Variants in IL13RA1 observed in about 807,000 individuals in gnomAD.
IL13RA1 encodes interleukin 13 receptor subunit alpha 1, also known as interleukin-13 receptor subunit alpha-1.
IL13RA1 carries 14 observed loss-of-function variants against 33.8 expected under a neutral mutation model. That is an observed-to-expected ratio of 0.41 (90% CI 0.27 to 0.65). IL13RA1 has a LOEUF of 0.65. IL13RA1 is among the 30% of genes least tolerant of loss of function. IL13RA1 has a pLI of 0.28. For missense variants in IL13RA1, 313 were observed against 327.0 expected (o/e 0.96, Z 0.33); for synonymous variants, 116 against 115.7 (o/e 1.00, Z -0.02).
chrX:118,747,078 T>C lies in IL13RA1; in HGVS notation c.353T>C (p.Ile118Thr). Residue 118 changes from isoleucine (I) to threonine (T), a missense_variant, in exon 3 of 11, where the codon ATC (isoleucine) becomes ACC (threonine). By Grantham distance (89) the Ile-to-Thr change is moderately conservative. Coordinates refer to ENST00000371666, the MANE Select transcript of IL13RA1 (RefSeq NM_001560.3). ...CCTAGCATTTTGGTTGAAAAATGCA[T>C]CTCACCCCCAGAAGGTAACAACTGA... ...EKPSILVEKC[I>T]SPPEGDPESA... 8.6e-7 allele frequency: 1 copy of C among 1,164,115 alleles called. No individual in the cohort carries two copies. The highest frequency in any genetic ancestry group is 3.0e-5 in the East Asian group (1 of 33,546).
At chrX:118,803,911 TTCCTTCCTTC>T in the IL13RA1 span, among the ~76,000 whole-genome samples, 20 of 100,206 alleles carry the variant, frequency 2.0e-4, no homozygotes, top group South Asian at 9.8e-4. Context: ...CCTTCCTTCC[TTCCTTCCTTC>T]CTCTCTCTCT....
Position 118,776,527 on chromosome X carries a change from A to G in IL13RA1, c.1191+16A>G. 1 of 401,391 alleles carries G rather than the reference A, an allele frequency of 2.5e-6. No individual in the cohort carries two copies. Among genetic ancestry groups the G allele is most frequent in the East Asian group, 4.9e-5 (1 of 20,465 alleles). The allele number at this position is 401,391 out of a possible 1,213,427, so 33.1% of individuals were successfully genotyped here. A position where few individuals can be genotyped will look rare whatever the true frequency, so the allele number is the denominator to read the frequency against. On this transcript the variant is annotated intron_variant, in intron 10 of 10. Coordinates refer to ENST00000371666, the MANE Select transcript of IL13RA1 (RefSeq NM_001560.3). The stretch of plus-strand genomic sequence containing the variant: ...TGATACTCTGGTAAGAACAGATTTC[A>G]TGGGGCTTGAAATGTTTTTTTTTTT...
chrX:118,796,614 C>A (rs373798727), downstream of IL13RA1, among the ~76,000 whole-genome samples: 4 of 111,433 alleles, frequency 3.6e-5, no homozygotes, highest in African/African-American at 1.3e-4. Flanking sequence ...CTCAGTTCAC[C>A]ACAACCTCTG....
chrX:118,732,909 C>CT (rs1329799165), intron 1 of IL13RA1, among the ~76,000 whole-genome samples: 2 of 111,716 alleles, frequency 1.8e-5, no homozygotes, highest in Admixed American at 9.5e-5. Flanking sequence ...TACTATTTGT[C>CT]TTTTTTGTGA....
chrX:118,773,018 T>C (rs34349322), intron 8 of IL13RA1, among the ~76,000 whole-genome samples: 2 of 112,532 alleles, frequency 1.8e-5, no homozygotes, highest in South Asian at 3.6e-4. Context: ...TTTTGTATGG[T>C]GATTTTAGGC....
At chrX:118,728,363 C>A (rs985241073) in intron 1 of IL13RA1, among the ~76,000 whole-genome samples, 1 of 112,396 alleles carries the variant, frequency 8.9e-6, no homozygotes, top group Non-Finnish European at 1.9e-5. Flanking sequence ...AGCATCCCGG[C>A]AGATGCTCCC....
chrX:118,748,360 C>G (rs1245628671), intron 3 of IL13RA1, among the ~76,000 whole-genome samples: 3 of 52,217 alleles, frequency 5.7e-5, no homozygotes, highest in Non-Finnish European at 9.6e-5. Flanking sequence ...TAGGAGTTAA[C>G]GAAAAAAAAA....
chrX:118,799,223 A>G (rs766273667), downstream of IL13RA1, among the ~76,000 whole-genome samples: 20 of 113,114 alleles, frequency 1.8e-4, no homozygotes, highest in South Asian at 7.1e-3. Context: ...GCAGCCCTCC[A>G]TGCCTGAGCC....
At chrX:118,773,505 CAAACA>C (rs992032715) in intron 8 of IL13RA1, among the ~76,000 whole-genome samples, 2 of 111,620 alleles carry the variant, frequency 1.8e-5, no homozygotes, top group African/African-American at 6.5e-5. Flanking sequence ...AACAAACAAA[CAAACA>C]AAAGTTTAAA....
intron 2 of IL13RA1, among the ~76,000 whole-genome samples, chrX:118,746,135 A>ATT (rs35565472): frequency 0.019 from 2,040 of 107,094 alleles, 50 homozygotes; most frequent in African/African-American, 0.064. Context: ...TGATTACTGG[A>ATT]TTTTTTTTTT....
chrX:118,803,907 TTCCTTCCTTCCTTC>T, the IL13RA1 span, among the ~76,000 whole-genome samples: 19 of 100,964 alleles, frequency 1.9e-4, no homozygotes, highest in Admixed American at 4.4e-4. Flanking sequence ...CCTTCCTTCC[TTCCTTCCTTCCTTC>T]CTCTCTCTCT....
rs764099515 is a variant in IL13RA1 at position 118,794,090 on chromosome X, C to T, written c.*2236C>T. 1 of 112,209 alleles carries T rather than the reference C, an allele frequency of 8.9e-6. No individual in the cohort carries two copies. Among genetic ancestry groups the T allele is most frequent in the South Asian group, 3.7e-4 (1 of 2,723 alleles). The allele number at this position is 112,209 out of a possible 1,213,427, so 9.2% of individuals were successfully genotyped here. A position where few individuals can be genotyped will look rare whatever the true frequency, so the allele number is the denominator to read the frequency against. On this transcript the variant is annotated 3_prime_UTR_variant, in exon 11 of 11. Transcript: ENST00000371666. ...AGGATGCTGTGAAATTCCCAACAAACATTGATGCTGACAGTCATGCAGTCT... is the reference window on the plus strand; with the variant it reads ...AGGATGCTGTGAAATTCCCAACAAATATTGATGCTGACAGTCATGCAGTCT...
chrX:118,784,117 ATGTATATATATG>A (rs2017883349), intron 10 of IL13RA1, among the ~76,000 whole-genome samples: 1 of 21,457 alleles, frequency 4.7e-5, no homozygotes, highest in African/African-American at 1.7e-4. Context: ...ATACGTATAT[ATGTATATATATG>A]TATATATATA....
chrX:118,731,816 T>TG (rs1366225516), intron 1 of IL13RA1, among the ~76,000 whole-genome samples: 1 of 111,561 alleles, frequency 9.0e-6, no homozygotes, highest in African/African-American at 3.3e-5. Context: ...GTAGTAGAGG[T>TG]GGGATATAAA....
At chrX:118,758,825 A>C (rs1033712833) in intron 5 of IL13RA1, 1 of 111,554 alleles carries the variant, frequency 9.0e-6, no homozygotes, top group South Asian at 3.8e-4. Flanking sequence ...CAATCAATTC[A>C]TGAAGGCAGA....
Position 118,727,664 on chromosome X carries a change from G to C in IL13RA1, c.26G>C (p.Gly9Ala). The C allele has an allele frequency of 2.2e-6, 2 of 921,503 alleles. No individual in the cohort carries two copies. The highest frequency in any genetic ancestry group is 2.7e-6 in the Non-Finnish European group (2 of 744,133). 75.9% of individuals were successfully genotyped at this position (921,503 alleles called of 1,213,427 possible). Reference protein sequence around the residue: MEWPARLCGLWALLLCAGG... With the variant: MEWPARLCALWALLLCAGG... ...ATGGAGTGGCCGGCGCGGCTCTGCG[G>C]GCTGTGGGCGCTGCTGCTCTGCGCC... The change falls in exon 1 of 11, where the codon GGG becomes GCG. Residue 9 changes from glycine (G) to alanine (A), a missense_variant. By Grantham distance (60) the Gly-to-Ala change is moderately conservative. Transcript: ENST00000371666.
At chrX:118,759,664 A>G (rs1055873087) in intron 5 of IL13RA1, among the ~76,000 whole-genome samples, 2 of 112,480 alleles carry the variant, frequency 1.8e-5, no homozygotes, top group Non-Finnish European at 3.8e-5. Flanking sequence ...ATAGAAGATG[A>G]TATCTTCAAG....
intron 1 of IL13RA1, among the ~76,000 whole-genome samples, chrX:118,736,734 G>T (rs2017286709): frequency 8.9e-6 from 1 of 112,055 alleles, no homozygotes; most frequent in Non-Finnish European, 1.9e-5. Context: ...AGTCTCCTGA[G>T]GAGCTGGAAC....
intron 4 of IL13RA1, among the ~76,000 whole-genome samples, chrX:118,753,535 C>CT (rs1029631993): frequency 4.5e-5 from 5 of 111,825 alleles, no homozygotes; most frequent in South Asian, 3.7e-4. Context: ...AAGGATCCTA[C>CT]TTTTTTTTGC....
Sources: gnomAD v4.1 joint callset for allele counts (sites outside exome capture counted in the v4.1 genomes callset) on GRCh38, gnomAD v4.1.1 for gene constraint, MANE v1.5 for transcripts, NCBI Gene and HGNC (gene_info 2026-07-23, HGNC 2026-07-21) for gene names.